OSBPL10: variants seen among roughly 807,000 people sequenced by gnomAD.
The protein encoded by OSBPL10 is oxysterol-binding protein-related protein 10.
A neutral mutation model predicts 81.7 loss-of-function variants in OSBPL10; 49 were observed. That is an observed-to-expected ratio of 0.60 (90% CI 0.48 to 0.76). OSBPL10 has a LOEUF of 0.76. Among genes scored for constraint, OSBPL10 ranks in the 30% least tolerant of loss-of-function variants. OSBPL10 has a pLI of 0.00. For synonymous variants in OSBPL10, 419 were observed against 383.6 expected (o/e 1.09, Z -1.08); for missense variants, 923 against 987.8 (o/e 0.93, Z 0.88).
At chr3:31,773,431 T>C (rs924087882) in intron 4 of OSBPL10, among the ~76,000 whole-genome samples, 7 of 152,176 alleles carry the variant, frequency 4.6e-5, no homozygotes, top group Admixed American at 1.3e-4. Context: ...ATAGTTCTCA[T>C]CACATAGGCT....
chr3:31,985,637 T>G (rs377738171), upstream of OSBPL10, among the ~76,000 whole-genome samples: 3 of 152,296 alleles, frequency 2.0e-5, no homozygotes, highest in South Asian at 6.2e-4. Flanking sequence ...TTGACTTCAT[T>G]GGCCAGATGA....
intron 1 of OSBPL10, among the ~76,000 whole-genome samples, chr3:31,968,489 G>A (rs185005190): frequency 6.7e-6 from 1 of 148,578 alleles, no homozygotes; most frequent in African/African-American, 2.5e-5. Flanking sequence ...GTTAGGTCAT[G>A]CTTTGCTTCT....
chr3:31,749,268 C>T (rs1481663902), intron 4 of OSBPL10, among the ~76,000 whole-genome samples: 1 of 152,186 alleles, frequency 6.6e-6, no homozygotes, highest in Non-Finnish European at 1.5e-5. Context: ...AGCCTTTTTT[C>T]TCTTTCCTTT....
chr3:31,857,803 GGAGAGAGAGAGAAA>G (rs1700957771), intron 3 of OSBPL10, among the ~76,000 whole-genome samples: 1 of 46,454 alleles, frequency 2.2e-5, no homozygotes. Flanking sequence ...AGACAGAAAG[GGAGAGAGAGAGAAA>G]GGGAGAGGGA....
chr3:31,882,804 AAG>A (rs1226446042), intron 1 of OSBPL10, among the ~76,000 whole-genome samples: 3 of 152,156 alleles, frequency 2.0e-5, no homozygotes, highest in Admixed American at 6.5e-5. Flanking sequence ...ATTAATAAGA[AAG>A]AAACTTTAAC....
intron 1 of OSBPL10, among the ~76,000 whole-genome samples, chr3:31,901,691 C>T (rs766635659): frequency 7.2e-5 from 11 of 152,160 alleles, no homozygotes; most frequent in African/African-American, 9.7e-5. Flanking sequence ...TCCTTCAGGG[C>T]GGAACCACAT....
intron 4 of OSBPL10, among the ~76,000 whole-genome samples, chr3:31,816,271 T>G (rs1002918434): frequency 6.6e-6 from 1 of 152,114 alleles, no homozygotes; most frequent in Non-Finnish European, 1.5e-5. Flanking sequence ...AACTTTCATG[T>G]CAGTTTAACC....
At chr3:31,875,958 G>A (rs1330248449) in intron 3 of OSBPL10, among the ~76,000 whole-genome samples, 1 of 152,114 alleles carries the variant, frequency 6.6e-6, no homozygotes, top group African/African-American at 2.4e-5. Flanking sequence ...GTCCCCAGGA[G>A]AGAATAAATC....
At chr3:31,758,215 C>T (rs141381793) in intron 4 of OSBPL10, among the ~76,000 whole-genome samples, 3 of 152,256 alleles carry the variant, frequency 2.0e-5, no homozygotes, top group Admixed American at 6.5e-5. Flanking sequence ...TCTCTGAGTA[C>T]CTCTCATGTA....
chr3:32,067,523 C>A (rs944808790), intron 1 of OSBPL10, among the ~76,000 whole-genome samples: 2 of 152,334 alleles, frequency 1.3e-5, no homozygotes, highest in Admixed American at 1.3e-4. Context: ...TGCACATATA[C>A]ATCCAGATGG....
intron 4 of OSBPL10, among the ~76,000 whole-genome samples, chr3:31,812,812 A>AAGAAAGAG (rs1699738902): frequency 5.2e-5 from 3 of 58,062 alleles, no homozygotes; most frequent in African/African-American, 1.4e-4. Flanking sequence ...GAAAGAAAGA[A>AAGAAAGAG]AGAAAGAGAA....
At chr3:31,665,001 C>T (rs557642598) in intron 10 of OSBPL10, among the ~76,000 whole-genome samples, 2 of 152,064 alleles carry the variant, frequency 1.3e-5, no homozygotes, top group East Asian at 3.9e-4. Context: ...GAGGAAACCC[C>T]ATGAAATGAG....
intron 3 of OSBPL10, among the ~76,000 whole-genome samples, chr3:31,831,361 G>A (rs1029733808): frequency 2.6e-5 from 4 of 151,402 alleles, no homozygotes; most frequent in South Asian, 2.1e-4. Flanking sequence ...AGCCGAGATC[G>A]TGCCATTGCA....
chr3:31,920,747 A>C (rs1373294485), intron 1 of OSBPL10, among the ~76,000 whole-genome samples: 1 of 152,020 alleles, frequency 6.6e-6, no homozygotes, highest in East Asian at 1.9e-4. Flanking sequence ...GCTTGGGACC[A>C]TTTTCTTGGT....
At chr3:32,044,417 T>A (rs933559246) in intron 2 of OSBPL10, among the ~76,000 whole-genome samples, 2 of 149,120 alleles carry the variant, frequency 1.3e-5, no homozygotes, top group Admixed American at 6.7e-5. Flanking sequence ...TTTAAAAAAA[T>A]TTTAATGGCA....
chr3:31,942,445 G>C (rs1309466837), intron 1 of OSBPL10, among the ~76,000 whole-genome samples: 4 of 97,034 alleles, frequency 4.1e-5, no homozygotes, highest in Non-Finnish European at 1.0e-4. Flanking sequence ...TGAGAGAGGA[G>C]AATCCTTTGA....
At chr3:31,753,281 C>G (rs1697775940) in intron 4 of OSBPL10, among the ~76,000 whole-genome samples, 1 of 151,744 alleles carries the variant, frequency 6.6e-6, no homozygotes, top group Non-Finnish European at 1.5e-5. Flanking sequence ...TCCGCCTCGC[C>G]TCCTGGGTTT....
intron 3 of OSBPL10, among the ~76,000 whole-genome samples, chr3:31,833,928 A>G (rs539283863): frequency 6.6e-5 from 10 of 152,304 alleles, no homozygotes; most frequent in African/African-American, 2.2e-4. Context: ...AATGGCTGTC[A>G]TTTGAATTTA....
chr3:31,805,493 C>T (rs566564168), intron 4 of OSBPL10, among the ~76,000 whole-genome samples: 36 of 152,250 alleles, frequency 2.4e-4, no homozygotes, highest in African/African-American at 8.2e-4. Context: ...TCTCCCTTCA[C>T]GCAAATGTTT....
Sources: gnomAD v4.1 joint callset for allele counts (sites outside exome capture counted in the v4.1 genomes callset) on GRCh38, gnomAD v4.1.1 for gene constraint, MANE v1.5 for transcripts, NCBI Gene and HGNC (gene_info 2026-07-23, HGNC 2026-07-21) for gene names.